Variants in ENTPD3 observed in about 807,000 individuals in gnomAD.
The protein encoded by ENTPD3 is CD39 antigen-like 3.
Under a neutral mutation model 51.2 loss-of-function variants are expected in ENTPD3, and 60 were observed. That is an observed-to-expected ratio of 1.17 (90% CI 0.95 to 1.45). The LOEUF (loss-of-function observed/expected upper bound fraction) is 1.45. ENTPD3 is among the 40% of genes most tolerant of loss of function. ENTPD3 has a pLI of 0.00. For synonymous variants in ENTPD3, 221 were observed against 238.4 expected, an observed-to-expected ratio of 0.93 and a Z score of 0.67; for missense variants, 593 against 641.1, an observed-to-expected ratio of 0.93 and a Z score of 0.81.
At position 40,427,349 on chromosome 3, in the gene ENTPD3, G is replaced by C. The variant is rs1167849314; in HGVS notation, c.1431G>C (p.Leu477=). The C allele has an allele frequency of 3.1e-6, 5 of 1,614,124 alleles. No homozygotes were observed. The highest frequency in any genetic ancestry group is 3.4e-6 in the Non-Finnish European group (4 of 1,180,024). Residue 477 remains leucine (L), a synonymous_variant, in exon 11 of 11, where the codon CTG becomes CTC. Transcript: ENST00000301825. ...ACCAGATCCCAGCTGAAAGCCCTCTGATCCGTCTGCCCATAGAACCACCTG... is the reference window on the plus strand; with the variant it reads ...ACCAGATCCCAGCTGAAAGCCCTCTCATCCGTCTGCCCATAGAACCACCTG... ...LTNQIPAESP[L]IRLPIEPPVF...
At position 40,390,168 on chromosome 3, in the gene ENTPD3, T is replaced by C. The variant is rs143058394; in HGVS notation, c.41-1855T>C. Among the ~76,000 whole-genome samples, 452 of 152,310 alleles carry C rather than the reference T, an allele frequency of 3.0e-3. 1 individual carries two copies. The highest frequency in any genetic ancestry group is 0.01 in the African/African-American group (417 of 41,570). ...TCATCATATTTCAACCATTTGGTTG[T>C]CATTTATGTTGATGTCCCAATAGTT... On this transcript the variant is annotated intron_variant, in intron 2 of 10. Transcript: ENST00000301825.
At chr3:40,387,375 G>A (rs1320275520) in intron 1 of ENTPD3, 114 bp downstream of exon 1, 1 of 152,442 alleles carries the variant, frequency 6.6e-6, no homozygotes. Flanking sequence ...AGGGCCAGAG[G>A]AAGAGACTGA....
intron 4 of ENTPD3, among the ~76,000 whole-genome samples, chr3:40,406,204 A>G (rs528936832): frequency 6.6e-6 from 1 of 152,274 alleles, no homozygotes; most frequent in East Asian, 1.9e-4. Context: ...ATATGAGACA[A>G]TGGGCCATGT....
chr3:40,399,216 G>GATACATAT (rs1216209681), intron 3 of ENTPD3, among the ~76,000 whole-genome samples: 1 of 152,116 alleles, frequency 6.6e-6, no homozygotes, highest in African/African-American at 2.4e-5. Context: ...TATATATCCA[G>GATACATAT]ATACATATAT....
rs190195893 is a variant in ENTPD3 at position 40,427,908 on chromosome 3, G to A, written c.*400G>A. ...TGGCAAGATACCCATTAAGCATTTC[G>A]CCAATCAGAATCTCATTTTATAGTT... On this transcript the variant is annotated 3_prime_UTR_variant, in exon 11 of 11. Coordinates refer to ENST00000301825, the MANE Select transcript of ENTPD3 (RefSeq NM_001248.4). The A allele has an allele frequency of 3.8e-4, 78 of 207,734 alleles. No individual in the cohort carries two copies. In the Admixed American group the frequency reaches 3.8e-3, roughly 10 times the overall value. 12.9% of individuals were successfully genotyped at this position (207,734 alleles called of 1,614,324 possible).
At chr3:40,394,308 G>C (rs1412953516) in intron 3 of ENTPD3, 1 of 325,628 alleles carries the variant, frequency 3.1e-6, no homozygotes, top group Non-Finnish European at 6.2e-6. Flanking sequence ...TTTTAGTACA[G>C]ATAGGGTTTC....
intron 10 of ENTPD3, 46 bp from the exon 11 acceptor site, chr3:40,427,226 C>A: frequency 1.4e-6 from 2 of 1,471,590 alleles, no homozygotes; most frequent in Non-Finnish European, 1.9e-6. Context: ...GTGATTGCAG[C>A]CTTGAGCCTT....
chr3:40,397,379 ACAT>A (rs1312962976), intron 3 of ENTPD3, among the ~76,000 whole-genome samples: 1 of 151,894 alleles, frequency 6.6e-6, no homozygotes, highest in Non-Finnish European at 1.5e-5. Context: ...CTCAGTGAAA[ACAT>A]CATGGCTATG....
chr3:40,388,297 G>A (rs1954982782), intron 2 of ENTPD3, among the ~76,000 whole-genome samples, 200 bp downstream of exon 2: 1 of 152,104 alleles, frequency 6.6e-6, no homozygotes, highest in African/African-American at 2.4e-5. Flanking sequence ...CACAAAACAA[G>A]GACTAACATG....
At position 40,427,426 on chromosome 3, in the gene ENTPD3, C is replaced by A. The variant is rs751615199; in HGVS notation, c.1508C>A (p.Ala503Glu). The A allele has an allele frequency of 8.7e-6, 14 of 1,613,624 alleles. No homozygotes were observed. The highest frequency in any genetic ancestry group is 1.1e-5 in the Non-Finnish European group (13 of 1,180,022). Reference protein sequence around the residue: ...FFTAAALLCLAFLAYLCSATR... With the variant: ...FFTAAALLCLEFLAYLCSATR... The stretch of plus-strand genomic sequence containing the variant: ...ACAGCGGCAGCCTTGCTGTGTCTGG[C>A]ATTTCTTGCATACCTGTGTTCAGCA... Residue 503 changes from alanine to glutamate, a missense_variant, in exon 11 of 11, where the codon GCA becomes GAA. Physicochemically the swap from Ala to Glu is moderately radical, Grantham distance 107. Coordinates refer to ENST00000301825, the MANE Select transcript of ENTPD3 (RefSeq NM_001248.4).
chr3:40,392,263 G>A (rs1955076285), intron 3 of ENTPD3, 113 bp downstream of exon 3: 1 of 1,309,842 alleles, frequency 7.6e-7, no homozygotes, highest in African/African-American at 1.5e-5. Flanking sequence ...CCCATCTCTG[G>A]CTGAAGCCAG....
At chr3:40,397,064 C>A (rs543482154) in intron 3 of ENTPD3, among the ~76,000 whole-genome samples, 1 of 150,624 alleles carries the variant, frequency 6.6e-6, no homozygotes, top group East Asian at 2.0e-4. Flanking sequence ...ATTTCTGGTG[C>A]CTTGTAGCCC....
intron 9 of ENTPD3, 80 bp downstream of exon 9, chr3:40,423,481 T>C (rs1955922112): frequency 2.9e-6 from 3 of 1,018,040 alleles, no homozygotes; most frequent in Non-Finnish European, 4.5e-6. Context: ...TATTCTGAAT[T>C]TAGCCTTTAT....
intron 3 of ENTPD3, among the ~76,000 whole-genome samples, chr3:40,400,002 C>A (rs535746882): frequency 6.6e-6 from 1 of 152,136 alleles, no homozygotes; most frequent in African/African-American, 2.4e-5. Context: ...CGGTGGCTCA[C>A]GCCTGTAATC....
intron 10 of ENTPD3, chr3:40,424,745 C>G (rs1266942107): frequency 1.4e-6 from 1 of 702,076 alleles, no homozygotes; most frequent in Non-Finnish European, 2.6e-6. Flanking sequence ...TCCCCAGGTT[C>G]CAGAGAATTT....
intron 4 of ENTPD3, among the ~76,000 whole-genome samples, chr3:40,403,329 T>C (rs1294845927): frequency 6.6e-6 from 1 of 152,124 alleles, no homozygotes; most frequent in East Asian, 1.9e-4. Flanking sequence ...AGATGCACTA[T>C]TATAGCAGAA....
chr3:40,390,155 A>C (rs1433008931), intron 2 of ENTPD3, among the ~76,000 whole-genome samples: 2 of 152,218 alleles, frequency 1.3e-5, no homozygotes, highest in African/African-American at 4.8e-5. Flanking sequence ...ATCATATTTC[A>C]ACCATTTGGT....
chr3:40,411,258 T>A (rs1955622204), intron 4 of ENTPD3, among the ~76,000 whole-genome samples: 1 of 146,748 alleles, frequency 6.8e-6, no homozygotes, highest in African/African-American at 2.5e-5. Context: ...GCCACTGTAC[T>A]CCAGGCTGGG....
chr3:40,415,743 T>C, intron 6 of ENTPD3, 97 bp from the exon 7 acceptor site: 1 of 890,080 alleles, frequency 1.1e-6, no homozygotes, highest in East Asian at 2.6e-5. Context: ...TCTGTCCTAC[T>C]TCTTAGTAAT....
Sources: allele counts gnomAD v4.1 joint callset (sites outside exome capture counted in the v4.1 genomes callset), GRCh38; gene constraint gnomAD v4.1.1; transcripts MANE v1.5; gene names NCBI Gene and HGNC (gene_info 2026-07-23, HGNC 2026-07-21).